UBR3: variants seen among roughly 807,000 people sequenced by gnomAD.
The protein encoded by UBR3 is ubiquitin protein ligase E3 component n-recognin 3, also known as E3 ubiquitin-protein ligase UBR3.
Under a neutral mutation model 243.2 loss-of-function variants are expected in UBR3, and 85 were observed. That is an observed-to-expected ratio of 0.35 (90% CI 0.29 to 0.42). The LOEUF (loss-of-function observed/expected upper bound fraction) is 0.42, where lower values mean the gene tolerates loss of function less well. Ranked by LOEUF, UBR3 falls within the 10% of genes least tolerant of loss-of-function variation. The pLI is 1.00. For synonymous variants in UBR3, 748 were observed against 799.8 expected (o/e 0.94, Z 1.09); for missense variants, 1,686 against 2,300.8 (o/e 0.73, Z 5.47).
intron 19 of UBR3, among the ~76,000 whole-genome samples, chr2:169,937,359 A>AT (rs1171570086): frequency 6.6e-6 from 1 of 151,760 alleles, no homozygotes; most frequent in African/African-American, 2.4e-5. Context: ...GGGTTGTTTG[A>AT]TTTTTCCTTG....
intron 30 of UBR3, among the ~76,000 whole-genome samples, chr2:170,026,019 G>T (rs1163536064): frequency 2.0e-5 from 3 of 152,090 alleles, no homozygotes; most frequent in Non-Finnish European, 2.9e-5. Flanking sequence ...TGAACTTAGA[G>T]GTAGAAGTGG....
chr2:169,904,475 G>A (rs1458428400), intron 8 of UBR3, among the ~76,000 whole-genome samples: 1 of 151,990 alleles, frequency 6.6e-6, no homozygotes, highest in Non-Finnish European at 1.5e-5. Context: ...AATTTTTAAT[G>A]ATAAAGATTT....
At position 169,877,324 on chromosome 2, in the gene UBR3, A is replaced by G. The variant is rs375953114; in HGVS notation, c.845-170A>G. 1.4e-4 allele frequency among the ~76,000 whole-genome samples: 22 copies of G among 152,334 alleles called. No individual in the cohort carries two copies. In the East Asian group the frequency reaches 3.1e-3, roughly 21 times the overall value. ...ACATGCTGTGTATTCTCGGATTGTT[A>G]GTGCTAAACATAAGCACAAAAGTGT... On this transcript the variant is annotated intron_variant, in intron 3 of 38. Transcript: ENST00000272793.
chr2:169,888,202 G>A (rs1262454789), intron 5 of UBR3, among the ~76,000 whole-genome samples: 6 of 150,572 alleles, frequency 4.0e-5, no homozygotes, highest in Non-Finnish European at 8.9e-5. Flanking sequence ...GCAGTGGCAC[G>A]ATCTCGGCTC....
At chr2:169,969,358 T>C (rs1377325853) in intron 24 of UBR3, among the ~76,000 whole-genome samples, 1 of 152,170 alleles carries the variant, frequency 6.6e-6, no homozygotes, top group Non-Finnish European at 1.5e-5. Context: ...TGGATTTGAT[T>C]TTTGAATATA....
At chr2:169,970,244 T>C (rs2088053840) in intron 24 of UBR3, among the ~76,000 whole-genome samples, 2 of 150,096 alleles carry the variant, frequency 1.3e-5, no homozygotes. Flanking sequence ...GGTTTTTTTT[T>C]TTTTTTTTTT....
chr2:169,889,897 A>G (rs2084258717), intron 5 of UBR3, among the ~76,000 whole-genome samples: 1 of 152,224 alleles, frequency 6.6e-6, no homozygotes, highest in Non-Finnish European at 1.5e-5. Context: ...AATTGAGAAA[A>G]GTATCTTGGA....
chr2:170,061,944 A>G (rs2091466256), intron 35 of UBR3, among the ~76,000 whole-genome samples: 1 of 152,218 alleles, frequency 6.6e-6, no homozygotes, highest in Non-Finnish European at 1.5e-5. Context: ...TATTACTAAT[A>G]TTGGATATTT....
intron 1 of UBR3, among the ~76,000 whole-genome samples, chr2:169,871,312 G>A (rs2083430192): frequency 6.6e-6 from 1 of 151,628 alleles, no homozygotes; most frequent in South Asian, 2.1e-4. Flanking sequence ...AAAAAAATTA[G>A]CCAGACATAG....
intron 19 of UBR3, among the ~76,000 whole-genome samples, chr2:169,933,587 A>T (rs1266453977): frequency 6.6e-6 from 1 of 152,196 alleles, no homozygotes; most frequent in African/African-American, 2.4e-5. Flanking sequence ...CCTCTTTTTA[A>T]ACCTTAATAG....
At chr2:169,939,224 A>C (rs1459981746) in intron 19 of UBR3, among the ~76,000 whole-genome samples, 1 of 147,904 alleles carries the variant, frequency 6.8e-6, no homozygotes, top group Non-Finnish European at 1.5e-5. Context: ...CCCATTTTCT[A>C]TTTCATTCTT....
chr2:170,055,669 C>T (rs528937108), intron 33 of UBR3, 85 bp downstream of exon 33: 86 of 1,493,792 alleles, frequency 5.8e-5, no homozygotes, highest in Non-Finnish European at 7.2e-5. Flanking sequence ...GTAGGTGTTA[C>T]AAAATGAGTT....
chr2:170,050,317 T>C (rs2091188303), intron 32 of UBR3, among the ~76,000 whole-genome samples: 1 of 152,116 alleles, frequency 6.6e-6, no homozygotes, highest in African/African-American at 2.4e-5. Flanking sequence ...ACTGAGAAGA[T>C]TTGACATCTG....
rs73972647 is a variant in UBR3, at chr2:169,903,850, C to T, written c.1466-1264C>T. ...AGCGTGGGCAACATAGTGAGACCCC[C>T]ATCTTTGAAAAAATATATATATACC... On this transcript the variant is annotated intron_variant, in intron 8 of 38. Transcript: ENST00000272793. Among the ~76,000 whole-genome samples the T allele has an allele frequency of 6.2e-3, 944 of 152,130 alleles. 10 individuals are homozygous for T. The highest frequency in any genetic ancestry group is 0.022 in the African/African-American group (899 of 41,496).
intron 32 of UBR3, among the ~76,000 whole-genome samples, chr2:170,050,825 T>C (rs1020981882): frequency 1.3e-5 from 2 of 152,196 alleles, no homozygotes; most frequent in African/African-American, 4.8e-5. Flanking sequence ...AAACATCTGT[T>C]AAATGAACAA....
At chr2:170,055,114 A>G (rs1287792468) in intron 32 of UBR3, among the ~76,000 whole-genome samples, 2 of 152,176 alleles carry the variant, frequency 1.3e-5, no homozygotes, top group Non-Finnish European at 2.9e-5. Context: ...CCTGGGCAAC[A>G]TAGGGAGGCC....
At chr2:170,059,471 T>C (rs1374622810) in intron 33 of UBR3, among the ~76,000 whole-genome samples, 1 of 152,220 alleles carries the variant, frequency 6.6e-6, no homozygotes, top group Non-Finnish European at 1.5e-5. Flanking sequence ...TTGAGTTTTC[T>C]ACAAATCTAT....
chr2:169,896,220 G>A (rs911403145), intron 7 of UBR3, among the ~76,000 whole-genome samples: 4 of 152,084 alleles, frequency 2.6e-5, no homozygotes, highest in East Asian at 1.9e-4. Context: ...CTGGGGAGGC[G>A]GAGGTTGCAG....
chr2:170,040,844 A>C (rs2090950325), intron 31 of UBR3, 38 bp from the exon 32 acceptor site: 1 of 1,459,896 alleles, frequency 6.8e-7, no homozygotes, highest in African/African-American at 1.4e-5. Flanking sequence ...AAGAGAAGAT[A>C]TACAATACTA....
Sources: gnomAD v4.1 joint callset for allele counts (sites outside exome capture counted in the v4.1 genomes callset) on GRCh38, gnomAD v4.1.1 for gene constraint, MANE v1.5 for transcripts, NCBI Gene and HGNC (gene_info 2026-07-23, HGNC 2026-07-21) for gene names.